Variants in SATB2 observed in about 807,000 individuals in gnomAD.
The protein encoded by SATB2 is DNA-binding protein SATB2.
SATB2 carries 1 observed loss-of-function variant against 73.4 expected under a neutral mutation model. That is an observed-to-expected ratio of 0.01 (90% CI 0.00 to 0.06). The LOEUF (loss-of-function observed/expected upper bound fraction) is 0.06. Among genes scored for constraint, SATB2 ranks in the 10% least tolerant of loss-of-function variants. The pLI is 1.00. For synonymous variants in SATB2, 397 were observed against 367.0 expected (o/e 1.08, Z -0.93); for missense variants, 459 against 945.8 (o/e 0.49, Z 6.75).
chr2:199,380,543 G>A, intron 4 of SATB2, 56 bp from the exon 5 acceptor site: 1 of 1,597,106 alleles, frequency 6.3e-7, no homozygotes, highest in Admixed American at 1.7e-5. Flanking sequence ...GTCCCTGACT[G>A]AAGAGGAGAC....
chr2:199,307,483 G>A (rs1286400825), intron 10 of SATB2, among the ~76,000 whole-genome samples: 1 of 152,046 alleles, frequency 6.6e-6, no homozygotes, highest in Admixed American at 6.6e-5. Context: ...GGTCCTGAAG[G>A]GTGAGTATGT....
chr2:199,310,805 C>G (rs901683680), intron 9 of SATB2, among the ~76,000 whole-genome samples: 3 of 152,212 alleles, frequency 2.0e-5, no homozygotes, highest in African/African-American at 7.2e-5. Flanking sequence ...TTAAGGAAGA[C>G]AGCACCTGCT....
chr2:199,424,818 C>T (rs2105918016), intron 3 of SATB2, among the ~76,000 whole-genome samples: 1 of 152,218 alleles, frequency 6.6e-6, no homozygotes, highest in East Asian at 1.9e-4. Flanking sequence ...ATAGACTTTA[C>T]TTAGAGTTGG....
intron 6 of SATB2, among the ~76,000 whole-genome samples, chr2:199,353,197 C>CA (rs998183153): frequency 4.8e-5 from 7 of 144,650 alleles, no homozygotes; most frequent in African/African-American, 1.6e-4. Flanking sequence ...CTCCATCACC[C>CA]AGGCTGGAGT....
At chr2:199,352,035 A>G (rs1688833668) in intron 6 of SATB2, among the ~76,000 whole-genome samples, 2 of 151,980 alleles carry the variant, frequency 1.3e-5, no homozygotes, top group South Asian at 2.1e-4. Flanking sequence ...ACCACACCCA[A>G]CTAATTTTTG....
At chr2:199,407,079 G>T (rs1218375397) in intron 3 of SATB2, among the ~76,000 whole-genome samples, 1 of 152,012 alleles carries the variant, frequency 6.6e-6, no homozygotes, top group Non-Finnish European at 1.5e-5. Flanking sequence ...CCAGCATCTT[G>T]GGAGGATGAG....
chr2:199,351,986 C>G lies in SATB2; in HGVS notation c.701-2813G>C, dbSNP rs913049115. On this transcript the variant is annotated intron_variant, in intron 6 of 10. Transcript: ENST00000417098. ...CCCGGGTTCAAGCTATTCTCGTGCT[C>G]AGCCTTCCGAGTAACTGGGATTACA... 2.6e-5 allele frequency among the ~76,000 whole-genome samples: 4 copies of G among 152,322 alleles called. No individual in the cohort carries two copies. In the East Asian group the frequency reaches 7.7e-4, roughly 29 times the overall value.
At chr2:199,452,033 AT>A (rs1207381622) in intron 2 of SATB2, among the ~76,000 whole-genome samples, 3 of 152,152 alleles carry the variant, frequency 2.0e-5, no homozygotes, top group African/African-American at 7.2e-5. Context: ...AGTTTTTTTA[AT>A]AAAAAAAGCA....
chr2:199,274,144 C>T (rs915482494), intron 10 of SATB2, among the ~76,000 whole-genome samples: 1 of 152,200 alleles, frequency 6.6e-6, no homozygotes, highest in African/African-American at 2.4e-5. Flanking sequence ...ACTATTCTCT[C>T]ATATTTTATG....
rs558882019 is a variant in SATB2, at chr2:199,391,249, C to T, written c.347-9429G>A. On this transcript the variant is annotated intron_variant, in intron 3 of 10. Coordinates refer to ENST00000417098, the MANE Select transcript of SATB2 (RefSeq NM_001172509.2). The stretch of plus-strand genomic sequence containing the variant: ...TCACAAGGGACAGAGATCGAGAACA[C>T]GCTGAAACCTCATCTCTACTAAAAA... Among the ~76,000 whole-genome samples the T allele has an allele frequency of 1.8e-4, 27 of 151,882 alleles. No homozygotes were observed. The South Asian group carries it at 5.2e-3, about 29-fold the overall frequency.
At chr2:199,441,940 C>T (rs1191594971) in intron 2 of SATB2, among the ~76,000 whole-genome samples, 1 of 152,136 alleles carries the variant, frequency 6.6e-6, no homozygotes. Flanking sequence ...CTGAGCCACA[C>T]CTGGGAACTC....
chr2:199,300,947 T>G (rs188625417), intron 10 of SATB2, among the ~76,000 whole-genome samples: 1 of 151,906 alleles, frequency 6.6e-6, no homozygotes, highest in Non-Finnish European at 1.5e-5. Flanking sequence ...CAGTCACTCA[T>G]AGGAGGAGTT....
chr2:199,386,394 C>T (rs573952429), intron 3 of SATB2, among the ~76,000 whole-genome samples: 57 of 152,152 alleles, frequency 3.7e-4, no homozygotes, highest in African/African-American at 8.2e-4. Flanking sequence ...AAAAAAGAAC[C>T]GAAATAATTC....
At chr2:199,438,594 T>G (rs924005877) in intron 2 of SATB2, among the ~76,000 whole-genome samples, 1 of 152,222 alleles carries the variant, frequency 6.6e-6, no homozygotes, top group African/African-American at 2.4e-5. Flanking sequence ...ACACTGGCTA[T>G]GAAAGTGACC....
At chr2:199,443,768 T>A (rs1691888297) in intron 2 of SATB2, among the ~76,000 whole-genome samples, 1 of 151,816 alleles carries the variant, frequency 6.6e-6, no homozygotes, top group Non-Finnish European at 1.5e-5. Flanking sequence ...AATGCATCCA[T>A]CAAGACTCAA....
At chr2:199,418,187 C>T (rs1195733395) in intron 3 of SATB2, among the ~76,000 whole-genome samples, 1 of 152,170 alleles carries the variant, frequency 6.6e-6, no homozygotes, top group African/African-American at 2.4e-5. Context: ...ATTATAATTA[C>T]TACCCTGATT....
At position 199,455,767 on chromosome 2, in the gene SATB2, T is replaced by G. The variant is rs1450656837; in HGVS notation, c.169+102A>C. On this transcript the variant is annotated intron_variant, in intron 2 of 10. Transcript: ENST00000417098. This position sits in a 1 kb window ranked among gnomAD's most constrained non-coding sequence, Gnocchi z 4.1. ...ATTTGGCAACCTGGAATTCACTTCC[T>G]GTAATCCTACACCGCGACAGCGCCT... 2 of 1,344,734 alleles carry G rather than the reference T, an allele frequency of 1.5e-6. No homozygotes were observed. Among genetic ancestry groups the G allele is most frequent in the Non-Finnish European group, 2.0e-6 (2 of 976,524 alleles). The allele number at this position is 1,344,734 out of a possible 1,614,324, so 83.3% of individuals were successfully genotyped here. A position where few individuals can be genotyped will look rare whatever the true frequency, so the allele number is the denominator to read the frequency against.
chr2:199,375,784 T>C (rs1190364473), intron 5 of SATB2, among the ~76,000 whole-genome samples: 3 of 152,160 alleles, frequency 2.0e-5, no homozygotes, highest in Non-Finnish European at 4.4e-5. Flanking sequence ...TGCCTCACTC[T>C]CTTCTTCCTA....
chr2:199,315,779 G>A (rs2105779020), intron 9 of SATB2, among the ~76,000 whole-genome samples: 1 of 152,168 alleles, frequency 6.6e-6, no homozygotes, highest in South Asian at 2.1e-4. Flanking sequence ...GTTGAATAAA[G>A]CTGTATATGC....
Sources: allele counts gnomAD v4.1 joint callset (sites outside exome capture counted in the v4.1 genomes callset), GRCh38; gene constraint gnomAD v4.1.1; non-coding constraint Gnocchi (gnomAD v3.1); transcripts MANE v1.5; gene names NCBI Gene and HGNC (gene_info 2026-07-23, HGNC 2026-07-21).